The following RYR3 variants were observed in gnomAD, a reference collection of about 807,000 sequenced individuals.
RYR3 encodes ryanodine receptor 3.
In RYR3, 207 loss-of-function variants were observed where a neutral mutation model predicts 584.3. The observed-to-expected ratio is 0.35, with a 90% CI of 0.32 to 0.40. The LOEUF (loss-of-function observed/expected upper bound fraction) is 0.40, where lower values mean the gene tolerates loss of function less well. RYR3 is among the 10% of genes least tolerant of loss of function. The pLI, the probability that RYR3 is intolerant of heterozygous loss-of-function variation, is 1.00. For synonymous variants in RYR3, 2,416 were observed against 2,248.5 expected, an observed-to-expected ratio of 1.07 and a Z score of -2.11; for missense variants, 5,616 against 6,089.2, an observed-to-expected ratio of 0.92 and a Z score of 2.59.
At position 33,829,592 on chromosome 15, in the gene RYR3, C is replaced by CA. The variant is rs980100041; in HGVS notation, c.11335-1360dup. Among the ~76,000 whole-genome samples, 445 of 144,962 alleles carry CA rather than the reference C, an allele frequency of 3.1e-3. 1 individual carries two copies. Among genetic ancestry groups the CA allele is most frequent in the Non-Finnish European group, 4.8e-3 (314 of 65,684 alleles). On this transcript the variant is annotated intron_variant, in intron 85 of 103. Coordinates refer to ENST00000634891, the MANE Select transcript of RYR3 (RefSeq NM_001036.6). The stretch of plus-strand genomic sequence containing the variant: ...TGAAACCCCATCTCTACTAAAAATA[C>CA]AAAAAAAAAAATTAGCCGGGCATGG...
intron 59 of RYR3, among the ~76,000 whole-genome samples, chr15:33,757,179 G>A (rs577740629): frequency 2.6e-5 from 4 of 152,276 alleles, no homozygotes; most frequent in Non-Finnish European, 4.4e-5. Context: ...TAGATGCAGC[G>A]CCCAAGAAGC....
intron 2 of RYR3, among the ~76,000 whole-genome samples, chr15:33,496,378 T>C (rs1212603327): frequency 6.6e-6 from 1 of 152,154 alleles, no homozygotes; most frequent in East Asian, 1.9e-4. Context: ...CCATATTTAT[T>C]CCTGAACGAG....
chr15:33,734,973 G>T (rs2069312787), intron 48 of RYR3, among the ~76,000 whole-genome samples: 1 of 151,918 alleles, frequency 6.6e-6, no homozygotes, highest in Non-Finnish European at 1.5e-5. Context: ...TTACAGGCGT[G>T]AGCCACCGCG....
Position 33,785,839 on chromosome 15 carries a change from G to A in RYR3, c.9446G>A (p.Gly3149Asp). The part of the protein sequence containing the change: ...CNYLSYWWER[G>D]PENLPPSTGP... ...TACTTGTCCTACTGGTGGGAGCGGG[G>A]TCCTGAGAACCTGCCCCCCAGCACA... The change falls in exon 66 of 104, where the codon GGT becomes GAT. Residue 3149 changes from glycine (G) to aspartate (D), a missense_variant. Physicochemically the swap from Gly to Asp is moderately conservative, Grantham distance 94. Transcript: ENST00000634891. 6.2e-7 allele frequency: 1 copy of A among 1,613,880 alleles called. No individual in the cohort carries two copies. The highest frequency in any genetic ancestry group is 8.5e-7 in the Non-Finnish European group (1 of 1,179,872).
chr15:33,811,149 T>C (rs189785307), intron 72 of RYR3, 112 bp downstream of exon 72: 8 of 903,766 alleles, frequency 8.9e-6, no homozygotes, highest in African/African-American at 6.6e-5. Context: ...AAAAACAGTT[T>C]GGGGGTATTT....
chr15:33,663,275 G>T (rs946710447), intron 35 of RYR3, among the ~76,000 whole-genome samples: 1 of 152,220 alleles, frequency 6.6e-6, no homozygotes, highest in African/African-American at 2.4e-5. Context: ...ATGATCTGGA[G>T]CTGGTTTTTC....
chr15:33,323,532 T>G (rs1168966525), intron 1 of RYR3, among the ~76,000 whole-genome samples: 1 of 152,066 alleles, frequency 6.6e-6, no homozygotes, highest in Non-Finnish European at 1.5e-5. Context: ...CAGCTGCTCT[T>G]CAATGATATG....
chr15:33,408,179 C>G (rs535487795), intron 1 of RYR3, among the ~76,000 whole-genome samples: 21 of 152,234 alleles, frequency 1.4e-4, no homozygotes, highest in Non-Finnish European at 2.8e-4. Flanking sequence ...CTTTGCAGTC[C>G]CCAGTTGCTA....
chr15:33,732,086 A>G (rs558239088), intron 48 of RYR3, among the ~76,000 whole-genome samples: 2 of 152,290 alleles, frequency 1.3e-5, no homozygotes, highest in East Asian at 3.9e-4. Context: ...GAGTGTGAAT[A>G]AAAGCAACCT....
At chr15:33,677,361 G>C (rs975755340) in intron 38 of RYR3, among the ~76,000 whole-genome samples, 2 of 152,138 alleles carry the variant, frequency 1.3e-5, no homozygotes, top group African/African-American at 4.8e-5. Context: ...ACAGAGGCCC[G>C]AGGTCCCTGA....
intron 1 of RYR3, among the ~76,000 whole-genome samples, chr15:33,374,555 T>C (rs2040585197): frequency 1.3e-5 from 2 of 152,148 alleles, no homozygotes; most frequent in South Asian, 4.1e-4. Context: ...AGAGCTTAAT[T>C]GCACCAAGAA....
intron 69 of RYR3, among the ~76,000 whole-genome samples, chr15:33,803,338 G>A (rs960688614): frequency 2.0e-5 from 3 of 152,098 alleles, no homozygotes; most frequent in African/African-American, 7.2e-5. Context: ...TTTGTCTTTT[G>A]GTAAACACAT....
At chr15:33,505,652 C>G (rs543800964) in intron 3 of RYR3, among the ~76,000 whole-genome samples, 1 of 152,072 alleles carries the variant, frequency 6.6e-6, no homozygotes, top group East Asian at 1.9e-4. Context: ...CCACCATGCC[C>G]GGCTAATTTT....
rs559045819 is a variant in RYR3 at position 33,321,301 on chromosome 15, C to T, written c.51+10205C>T. ...GCTTTTCATATCCAAGGATACAAAG[C>T]ATGGACCTAAAGTAAAGCTTGATCC... On this transcript the variant is annotated intron_variant, in intron 1 of 103. Coordinates refer to ENST00000634891, the MANE Select transcript of RYR3 (RefSeq NM_001036.6). Among the ~76,000 whole-genome samples the T allele has an allele frequency of 5.9e-5, 9 of 152,336 alleles. 1 individual carries two copies. The South Asian group carries it at 1.0e-3, about 18-fold the overall frequency.
At chr15:33,742,547 A>G (rs1459262656) in intron 52 of RYR3, 103 bp downstream of exon 52, 1 of 779,882 alleles carries the variant, frequency 1.3e-6, no homozygotes. Context: ...TAAGTAACAG[A>G]TTTTCCATGC....
intron 99 of RYR3, 198 bp downstream of exon 99, chr15:33,858,112 T>TA: frequency 1.5e-6 from 1 of 684,488 alleles, no homozygotes; most frequent in South Asian, 2.1e-5. Flanking sequence ...GTGATGGAGG[T>TA]AGTTTTCATT....
chr15:33,634,531 G>T, intron 24 of RYR3, 55 bp from the exon 25 acceptor site: 1 of 1,586,794 alleles, frequency 6.3e-7, no homozygotes, highest in Non-Finnish European at 8.6e-7. Flanking sequence ...AATAGGGTGA[G>T]CTGTGGTGAA....
intron 2 of RYR3, among the ~76,000 whole-genome samples, chr15:33,488,793 G>T (rs1265922790): frequency 6.6e-6 from 1 of 152,162 alleles, no homozygotes; most frequent in Non-Finnish European, 1.5e-5. Flanking sequence ...GGGGGTTGCA[G>T]TGAGCCGAGA....
intron 1 of RYR3, among the ~76,000 whole-genome samples, chr15:33,363,123 A>C (rs1975001736): frequency 6.6e-6 from 1 of 152,200 alleles, no homozygotes; most frequent in Admixed American, 6.5e-5. Flanking sequence ...TGAACACTGC[A>C]AGGGTGCCAT....
Sources: allele counts gnomAD v4.1 joint callset (sites outside exome capture counted in the v4.1 genomes callset), GRCh38; gene constraint gnomAD v4.1.1; transcripts MANE v1.5; gene names NCBI Gene and HGNC (gene_info 2026-07-23, HGNC 2026-07-21).